MNX1: variants seen among roughly 807,000 people sequenced by gnomAD.
The protein encoded by MNX1 is motor neuron and pancreas homeobox protein 1.
Under a neutral mutation model 17.3 loss-of-function variants are expected in MNX1, and 2 were observed. The observed-to-expected ratio is 0.12, with a 90% CI of 0.05 to 0.36. MNX1 has a LOEUF of 0.36. Among genes scored for constraint, MNX1 ranks in the 10% least tolerant of loss-of-function variants. MNX1 has a pLI of 1.00. For synonymous variants in MNX1, 306 were observed against 283.1 expected, an observed-to-expected ratio of 1.08 and a Z score of -0.81; for missense variants, 556 against 564.7, an observed-to-expected ratio of 0.98 and a Z score of 0.16.
In MNX1 at chr7:157,006,455, G is replaced by A. The variant is rs747939357; in HGVS notation, c.852+24C>T. 6.0e-5 allele frequency: 96 copies of A among 1,605,222 alleles called. No individual in the cohort carries two copies. The Admixed American group carries it at 8.2e-4, about 14-fold the overall frequency. ...AGTGTCCCCTGGGAGGCCGGGATGC[G>A]TCGGGGGCGGGGAGGGCGCGCACCT... On this transcript the variant is annotated intron_variant, in intron 2 of 2. Coordinates refer to ENST00000252971, the MANE Select transcript of MNX1 (RefSeq NM_005515.4). This position sits in a 1 kb window ranked among gnomAD's most constrained non-coding sequence, Gnocchi z 6.3.
chr7:157,006,495 A>T lies in MNX1; in HGVS notation c.836T>A (p.Met279Lys). 1 of 1,610,770 alleles carries T rather than the reference A, an allele frequency of 6.2e-7. No individual in the cohort carries two copies. The highest frequency in any genetic ancestry group is 8.5e-7 in the Non-Finnish European group (1 of 1,179,186). Reference protein sequence around the residue: ...PKRFEVATSLMLTETQVKIWF... With the variant: ...PKRFEVATSLKLTETQVKIWF... ...GGCGCGCACCTGGGTCTCGGTGAGC[A>T]TGAGCGAGGTGGCCACCTCGAAGCG... The change falls in exon 2 of 3, where the codon ATG (methionine) becomes AAG (lysine). Residue 279 changes from methionine to lysine, a missense_variant. Coordinates refer to ENST00000252971, the MANE Select transcript of MNX1 (RefSeq NM_005515.4). The surrounding 1 kb of genome is among the most constrained non-coding windows in gnomAD (Gnocchi z 6.3).
rs1438505891 is a variant in MNX1, at chr7:157,006,919, G to A, written c.692-280C>T. 3.4e-6 allele frequency: 1 copy of A among 297,584 alleles called. No individual in the cohort carries two copies. The highest frequency in any genetic ancestry group is 5.1e-5 in the Admixed American group (1 of 19,646). 18.4% of individuals were successfully genotyped at this position (297,584 alleles called of 1,614,324 possible). ...CTGTTAAACAGGGCCCATCGCAGGA[G>A]GCTTCCTCTCCACAGGAGCCGGCTT... On this transcript the variant is annotated intron_variant, in intron 1 of 2. Transcript: ENST00000252971. This position sits in a 1 kb window ranked among gnomAD's most constrained non-coding sequence, Gnocchi z 6.3.
rs1219965133 is a variant in MNX1, at chr7:157,005,540, G to A, written c.1186C>T (p.His396Tyr). Reference protein sequence around the residue: ...EDDSPPPRPSHQPAPQ With the variant: ...EDDSPPPRPSYQPAPQ ...GGCTCCTACTGGGGCGCGGGCTGGT[G>A]GCTGGGCCGCGGGGGCGGCGAGTCG... is the stretch of plus-strand genomic sequence containing the variant. Residue 396 changes from histidine to tyrosine, a missense_variant, in exon 3 of 3, where the codon CAC becomes TAC. Physicochemically the swap from His to Tyr is moderately conservative, Grantham distance 83 (BLOSUM62 2). Transcript: ENST00000252971. The A allele has an allele frequency of 9.1e-6, 14 of 1,535,362 alleles. No homozygotes were observed. Among genetic ancestry groups the A allele is most frequent in the Non-Finnish European group, 1.2e-5 (14 of 1,145,936 alleles).
rs1350514976 is a variant in MNX1 at position 157,006,367 on chromosome 7, G to A, written c.852+112C>T. 3 of 1,267,578 alleles carry A rather than the reference G, an allele frequency of 2.4e-6. No individual in the cohort carries two copies. The highest frequency in any genetic ancestry group is 3.2e-6 in the Non-Finnish European group (3 of 926,042). 78.5% of individuals were successfully genotyped at this position (1,267,578 alleles called of 1,614,324 possible). On this transcript the variant is annotated intron_variant, in intron 2 of 2. Coordinates refer to ENST00000252971, the MANE Select transcript of MNX1 (RefSeq NM_005515.4). This position sits in a 1 kb window ranked among gnomAD's most constrained non-coding sequence, Gnocchi z 6.3. ...AGATGAACCCGTGCGCCCGCCGTCTGAACCGTCGAGGCGCAGCGCTAGATG... is the reference window on the plus strand; with the variant it reads ...AGATGAACCCGTGCGCCCGCCGTCTAAACCGTCGAGGCGCAGCGCTAGATG...
intron 1 of MNX1, chr7:157,009,329 G>A (rs938453220): frequency 1.4e-6 from 2 of 1,414,930 alleles, no homozygotes; most frequent in African/African-American, 2.9e-5. Flanking sequence ...GCCTAATTCA[G>A]GGCGCTCTCG....
chr7:157,009,148 CCT>C, intron 1 of MNX1: 2 of 1,518,936 alleles, frequency 1.3e-6, no homozygotes, highest in Non-Finnish European at 1.8e-6. Flanking sequence ...CCGGGGGTTC[CCT>C]GGGCCTTGGC....
intron 1 of MNX1, chr7:157,009,054 G>C: frequency 6.5e-7 from 1 of 1,536,990 alleles, no homozygotes; most frequent in Non-Finnish European, 8.7e-7. Flanking sequence ...TCCCCCCATA[G>C]CTGGTTCAAG....
At position 157,006,737 on chromosome 7, in the gene MNX1, C is replaced by T; in HGVS notation, c.692-98G>A. ...ACCACTACACTCAAGGCCCCAGCGC[C>T]AAGGCCTGGCCCTGCAGAGGGCGGG... On this transcript the variant is annotated intron_variant, in intron 1 of 2. Transcript: ENST00000252971. This position sits in a 1 kb window ranked among gnomAD's most constrained non-coding sequence, Gnocchi z 6.3. 1 of 1,338,516 alleles carries T rather than the reference C, an allele frequency of 7.5e-7. No individual in the cohort carries two copies. The highest frequency in any genetic ancestry group is 1.0e-6 in the Non-Finnish European group (1 of 990,608). The allele number at this position is 1,338,516 out of a possible 1,614,324, so 82.9% of individuals were successfully genotyped here. A position where few individuals can be genotyped will look rare whatever the true frequency, so the allele number is the denominator to read the frequency against.
Position 157,010,421 on chromosome 7 carries a change from G to A in MNX1, c.-71C>T. Reference sequence around the variant, plus strand: ...GGCCGTGTGCGGGCTCGCGGAGTCAGTGCGTGCGGTGCAAGCCCGGGGGCT... The same window carrying A: ...GGCCGTGTGCGGGCTCGCGGAGTCAATGCGTGCGGTGCAAGCCCGGGGGCT... On this transcript the variant is annotated 5_prime_UTR_variant, in exon 1 of 3. Transcript: ENST00000252971. The A allele has an allele frequency of 1.6e-6, 2 of 1,236,482 alleles. No homozygotes were observed. The highest frequency in any genetic ancestry group is 1.5e-5 in the African/African-American group (1 of 64,542). 76.6% of individuals were successfully genotyped at this position (1,236,482 alleles called of 1,614,324 possible). A position where few individuals can be genotyped will look rare whatever the true frequency, so the allele number is the denominator to read the frequency against.
rs1805574097 is a variant in MNX1 at position 157,005,496 on chromosome 7, C to T, written c.*24G>A. 3.0e-6 allele frequency: 4 copies of T among 1,339,604 alleles called. No homozygotes were observed. The African/African-American group carries it at 6.2e-5, about 21-fold the overall frequency. The allele number at this position is 1,339,604 out of a possible 1,614,324, so 83.0% of individuals were successfully genotyped here. ...GCCGGCCGGGGCGCTCCGTGCGCGC[C>T]GCACCTGCTGGGCCGCGGGGCTCCT... On this transcript the variant is annotated 3_prime_UTR_variant, in exon 3 of 3. Transcript: ENST00000252971.
rs549062276 is a variant in MNX1 at position 157,010,658 on chromosome 7, C to A, written c.-308G>T. 4.6e-6 allele frequency: 1 copy of A among 218,884 alleles called. No homozygotes were observed. Among genetic ancestry groups the A allele is most frequent in the Non-Finnish European group, 9.1e-6 (1 of 109,292 alleles). 13.6% of individuals were successfully genotyped at this position (218,884 alleles called of 1,614,324 possible). ...GCGACCGCGCGGAGGCCGCTGCCGC[C>A]GTGGTGGGGACCCGCGCCCCTCCGC... On this transcript the variant is annotated 5_prime_UTR_variant, in exon 1 of 3. Transcript: ENST00000252971.
chr7:157,008,114 G>C (rs1029086615), intron 1 of MNX1: 1 of 152,234 alleles, frequency 6.6e-6, no homozygotes, highest in African/African-American at 2.4e-5. Context: ...GTCAACATTT[G>C]GAATCAGAAA....
In MNX1 at chr7:157,009,954, C is replaced by CGGT; in HGVS notation, c.396_397insACC (p.Ala132_Ala133insThr). The CGGT allele has an allele frequency of 1.0e-6, 1 of 962,844 alleles. No individual in the cohort carries two copies. Among genetic ancestry groups the CGGT allele is most frequent in the Non-Finnish European group, 1.2e-6 (1 of 813,258 alleles). The allele number at this position is 962,844 out of a possible 1,614,324, so 59.6% of individuals were successfully genotyped here. On this transcript the variant is annotated inframe_insertion, in exon 1 of 3. Transcript: ENST00000252971. ...AGCCCCAGCGCCAGGCCCCCAGCGG[C>CGGT]GGCGGCGGCGGCGGCGGCGGCGGCA... is the stretch of plus-strand genomic sequence containing the variant.
rs1179397273 is a variant in MNX1, at chr7:157,010,057, G to A, written c.294C>T (p.Gly98=). 3.0e-6 allele frequency: 3 copies of A among 998,560 alleles called. No individual in the cohort carries two copies. The highest frequency in any genetic ancestry group is 1.8e-5 in the African/African-American group (1 of 56,294). 61.9% of individuals were successfully genotyped at this position (998,560 alleles called of 1,614,324 possible). A position where few individuals can be genotyped will look rare whatever the true frequency, so the allele number is the denominator to read the frequency against. Residue 98 remains glycine, a synonymous_variant, in exon 1 of 3, where the codon GGC becomes GGT. Transcript: ENST00000252971. ...CALLPKPGFL[G]AGGGGGGTGG... ...CCGTGCCGCCGCCGCCGCCGCCCGC[G>A]CCCAGGAAGCCCGGCTTGGGCAGCA...
Position 157,005,695 on chromosome 7 carries a change from C to A in MNX1, c.1031G>T (p.Ser344Ile), listed in dbSNP as rs1805582507. 2 of 1,610,652 alleles carry A rather than the reference C, an allele frequency of 1.2e-6. No homozygotes were observed. The highest frequency in any genetic ancestry group is 1.7e-6 in the Non-Finnish European group (2 of 1,179,368). Reference protein sequence around the residue: ...LGPPAPGDKGSGRRLRDLRDS... With the variant: ...LGPPAPGDKGIGRRLRDLRDS... ...CCTCAAGTCCCGCAGGCGGCGTCCG[C>A]TGCCCTTGTCTCCGGGCGCTGGCGG... The change falls in exon 3 of 3, where the codon AGC (serine) becomes ATC (isoleucine). Residue 344 changes from serine (S) to isoleucine (I), a missense_variant. Physicochemically the swap from Ser to Ile is moderately radical, Grantham distance 142. Transcript: ENST00000252971.
Position 157,006,400 on chromosome 7 carries a change from C to T in MNX1, c.852+79G>A. ...GAGGCGCAGCGCTAGATGCCTCAGA[C>T]CGCCCGTGGGTCACAAGTGCAAAGG... On this transcript the variant is annotated intron_variant, in intron 2 of 2. Coordinates refer to ENST00000252971, the MANE Select transcript of MNX1 (RefSeq NM_005515.4). The surrounding 1 kb of genome is among the most constrained non-coding windows in gnomAD (Gnocchi z 6.3). The T allele has an allele frequency of 1.3e-6, 2 of 1,497,214 alleles. No homozygotes were observed. The highest frequency in any genetic ancestry group is 1.8e-6 in the Non-Finnish European group (2 of 1,109,610). 92.7% of individuals were successfully genotyped at this position (1,497,214 alleles called of 1,614,324 possible).
chr7:157,006,577 G>T lies in MNX1; in HGVS notation c.754C>A (p.Gln252Lys). ...AACTGGTGCTCCAGCTCCAGCAGCT[G>T]CTGGCTGGTGAAGGCGGTGCGCGGC... ...RRPRTAFTSQ[Q>K]LLELEHQFKL... Residue 252 changes from glutamine (Q) to lysine (K), a missense_variant, in exon 2 of 3, where the codon CAG (glutamine) becomes AAG (lysine). Transcript: ENST00000252971. This position sits in a 1 kb window ranked among gnomAD's most constrained non-coding sequence, Gnocchi z 6.3. 1 of 1,607,734 alleles carries T rather than the reference G, an allele frequency of 6.2e-7. No homozygotes were observed.
At position 157,005,768 on chromosome 7, in the gene MNX1, C is replaced by G; in HGVS notation, c.958G>C (p.Ala320Pro). The G allele has an allele frequency of 6.2e-7, 1 of 1,609,754 alleles. No individual in the cohort carries two copies. The highest frequency in any genetic ancestry group is 1.1e-5 in the South Asian group (1 of 91,060). Residue 320 changes from alanine to proline, a missense_variant, in exon 3 of 3, where the codon GCG becomes CCG. Physicochemically the swap from Ala to Pro is conservative, Grantham distance 27 (BLOSUM62 -1). Around this residue, in one of 7 missense-constraint regions of MNX1, gnomAD observed 178 missense variants for 155.2 expected, o/e 1.15. Coordinates refer to ENST00000252971, the MANE Select transcript of MNX1 (RefSeq NM_005515.4). ...AEKQKGGGGG[A>P]GKGGAEEPGA... The stretch of plus-strand genomic sequence containing the variant: ...GGCTCCTCCGCGCCGCCCTTCCCCG[C>G]GCCCCCGCCGCCGCCCTTCTGTTTC...
At position 157,006,391 on chromosome 7, in the gene MNX1, T is replaced by C; in HGVS notation, c.852+88A>G. ...TGAACCGTCGAGGCGCAGCGCTAGA[T>C]GCCTCAGACCGCCCGTGGGTCACAA... is the stretch of plus-strand genomic sequence containing the variant. On this transcript the variant is annotated intron_variant, in intron 2 of 2. Coordinates refer to ENST00000252971, the MANE Select transcript of MNX1 (RefSeq NM_005515.4). The surrounding 1 kb of genome is among the most constrained non-coding windows in gnomAD (Gnocchi z 6.3). 1 of 1,439,728 alleles carries C rather than the reference T, an allele frequency of 6.9e-7. No individual in the cohort carries two copies. Among genetic ancestry groups the C allele is most frequent in the South Asian group, 1.3e-5 (1 of 78,808 alleles). The allele number at this position is 1,439,728 out of a possible 1,614,324, so 89.2% of individuals were successfully genotyped here.
Sources: gnomAD v4.1 joint callset for allele counts on GRCh38, gnomAD v4.1.1 for gene constraint, gnomAD v4.1.1 regional missense constraint, Gnocchi (gnomAD v3.1) non-coding constraint, MANE v1.5 for transcripts, NCBI Gene and HGNC (gene_info 2026-07-23, HGNC 2026-07-21) for gene names.